The following SELE variants were observed in gnomAD, a reference collection of about 807,000 sequenced individuals.
SELE encodes the protein selectin E, also known as E-selectin.
SELE carries 52 observed loss-of-function variants against 75.8 expected under a neutral mutation model. The ratio of observed to expected loss-of-function variants is 0.69; its 90% confidence interval spans 0.55 to 0.86. The LOEUF (loss-of-function observed/expected upper bound fraction) is 0.86. Ranked by LOEUF, SELE falls within the 40% of genes least tolerant of loss-of-function variation. The probability of loss-of-function intolerance (pLI) is 0.00; values close to 1 mark genes in which losing one functional copy is unlikely to be tolerated. For synonymous variants in SELE, 285 were observed against 258.7 expected (o/e 1.10, Z -0.98); for missense variants, 754 against 732.7 (o/e 1.03, Z -0.34).
chr1:169,731,579 CTAT>C, intron 4 of SELE: 1 of 371,038 alleles, frequency 2.7e-6, no homozygotes, highest in Non-Finnish European at 5.0e-6. Flanking sequence ...GAAGTTCACA[CTAT>C]TATTATCCTC....
rs760697158 is a variant in SELE at position 169,729,188 on chromosome 1, T to C, written c.1088A>G (p.Glu363Gly). The change falls in exon 7 of 14, where the codon GAA (glutamate) becomes GGA (glycine). Residue 363 changes from glutamate (E) to glycine (G), a missense_variant and splice_region_variant. Coordinates refer to ENST00000333360, the MANE Select transcript of SELE (RefSeq NM_000450.2). ...AAATCGAAGGATCTCAAGCTTACCT[T>C]CACAAACTGGGATTTGCTGTGTCCA... ...GQWTQQIPVC[E>G]AFQCTALSNP... is the part of the protein sequence containing the mutation. The C allele has an allele frequency of 2.5e-6, 4 of 1,602,972 alleles. No homozygotes were observed. Among genetic ancestry groups the C allele is most frequent in the South Asian group, 1.1e-5 (1 of 89,724 alleles).
chr1:169,725,813 A>G lies in SELE; in HGVS notation c.1776-12T>C. The stretch of plus-strand genomic sequence containing the variant: ...GGCTTTGGCAGCTGCTGTGGAATAC[A>G]TGAGAACACTAGGTAAAGCACTGTC... On this transcript the variant is annotated splice_polypyrimidine_tract_variant and intron_variant, in intron 12 of 13. Transcript: ENST00000333360. 1 of 1,614,062 alleles carries G rather than the reference A, an allele frequency of 6.2e-7. No individual in the cohort carries two copies. Among genetic ancestry groups the G allele is most frequent in the Non-Finnish European group, 8.5e-7 (1 of 1,179,952 alleles).
rs756005920 is a variant in SELE at position 169,727,835 on chromosome 1, C to T, written c.1372G>A (p.Ala458Thr). 6.2e-7 allele frequency: 1 copy of T among 1,614,114 alleles called. No homozygotes were observed. The highest frequency in any genetic ancestry group is 1.1e-5 in the South Asian group (1 of 91,086). Residue 458 changes from alanine to threonine, a missense_variant, in exon 9 of 14, where the codon GCC (alanine) becomes ACC (threonine). Physicochemically the swap from Ala to Thr is moderately conservative, Grantham distance 58. Coordinates refer to ENST00000333360, the MANE Select transcript of SELE (RefSeq NM_000450.2). ...TCAAATCCCTCCTCACAGCTGAAGG[C>T]ACAAGAGGACTTGTAGGTGAATTCT... ...IGEFTYKSSCAFSCEEGFELH... is the reference protein window; with the variant it reads ...IGEFTYKSSCTFSCEEGFELH...
chr1:169,728,015 T>C, intron 8 of SELE, 43 bp downstream of exon 8: 4 of 1,583,520 alleles, frequency 2.5e-6, no homozygotes, highest in Non-Finnish European at 3.4e-6. Flanking sequence ...AGCTCTTCAA[T>C]AGTTCTTTTT....
rs200695523 is a variant in SELE, at chr1:169,732,996, G to A, written c.40C>T (p.Leu14Phe). The A allele has an allele frequency of 3.2e-6, 5 of 1,561,286 alleles. No homozygotes were observed. In the East Asian group the frequency reaches 9.0e-5, roughly 28 times the overall value. Reference sequence around the variant, plus strand: ...CAGGCTCCACTCTCTTTAATGAGAAGCACTAGTGGGAGAAAAAGAAAAGAA... The same window carrying A: ...CAGGCTCCACTCTCTTTAATGAGAAACACTAGTGGGAGAAAAAGAAAAGAA... ...SQFLSALTLV[L>F]LIKESGAWSY... The change falls in exon 3 of 14, where the codon CTT (leucine) becomes TTT (phenylalanine). Residue 14 changes from leucine to phenylalanine, a missense_variant and splice_region_variant. Transcript: ENST00000333360.
chr1:169,731,903 C>T lies in SELE; in HGVS notation c.461G>A (p.Cys154Tyr), dbSNP rs1648920448. The T allele has an allele frequency of 6.2e-7, 1 of 1,613,780 alleles. No individual in the cohort carries two copies. The highest frequency in any genetic ancestry group is 8.5e-7 in the Non-Finnish European group (1 of 1,179,804). ...AGTGTAATTATTGATGGTCTCTACACATTCACCGTGGCCACTGCAGGATGT... is the reference window on the plus strand; with the variant it reads ...AGTGTAATTATTGATGGTCTCTACATATTCACCGTGGCCACTGCAGGATGT... ...TNTSCSGHGE[C>Y]VETINNYTCK... The change falls in exon 4 of 14, where the codon TGT (cysteine) becomes TAT (tyrosine). Residue 154 changes from cysteine (C) to tyrosine (Y), a missense_variant. Physicochemically the swap from Cys to Tyr is radical, Grantham distance 194. Coordinates refer to ENST00000333360, the MANE Select transcript of SELE (RefSeq NM_000450.2).
intron 13 of SELE, among the ~76,000 whole-genome samples, chr1:169,725,053 CT>C (rs1330715189): frequency 4.6e-5 from 7 of 152,196 alleles, no homozygotes; most frequent in African/African-American, 1.7e-4. Flanking sequence ...AGACAATTTA[CT>C]TAACTTCTCT....
chr1:169,727,239 C>G, intron 10 of SELE, 110 bp downstream of exon 10: 1 of 1,221,524 alleles, frequency 8.2e-7, no homozygotes, highest in African/African-American at 1.5e-5. Context: ...AACTTGTCAA[C>G]CTGGGCGAAC....
chr1:169,728,119 T>A lies in SELE; in HGVS notation c.1218A>T (p.Gly406=). The change falls in exon 8 of 14, where the codon GGA becomes GGT. Residue 406 remains glycine, a synonymous_variant. Transcript: ENST00000333360. ...TGGGGCCACATTGGAGCCTTTTGGA[T>A]CCCTTCAACACAAAACCCTGCTCAC... ...FSCEQGFVLK[G]SKRLQCGPTG... 2 of 1,614,172 alleles carry A rather than the reference T, an allele frequency of 1.2e-6. No homozygotes were observed. Among genetic ancestry groups the A allele is most frequent in the Non-Finnish European group, 1.7e-6 (2 of 1,180,014 alleles).
At chr1:169,733,893 G>A in intron 1 of SELE, 78 bp downstream of exon 1, 1 of 455,762 alleles carries the variant, frequency 2.2e-6, no homozygotes, top group Non-Finnish European at 3.9e-6. Flanking sequence ...TTGTACAGAT[G>A]TGGTTTTTAT....
chr1:169,730,013 A>G (rs890180698), intron 5 of SELE, among the ~76,000 whole-genome samples: 21 of 152,306 alleles, frequency 1.4e-4, no homozygotes, highest in African/African-American at 4.8e-4. Context: ...TCAGAGCCTG[A>G]AGAACTGATT....
At chr1:169,732,424 GTA>G (rs1324395482) in intron 3 of SELE, among the ~76,000 whole-genome samples, 189 bp downstream of exon 3, 5 of 146,038 alleles carry the variant, frequency 3.4e-5, no homozygotes, top group Admixed American at 3.4e-4. Flanking sequence ...GTGTGTGTGT[GTA>G]TATATATACA....
At chr1:169,732,370 CTA>C (rs56022949) in intron 3 of SELE, among the ~76,000 whole-genome samples, 14 of 144,110 alleles carry the variant, frequency 9.7e-5, no homozygotes, top group African/African-American at 3.1e-4. Context: ...ATGCTGTAGG[CTA>C]TATATATATA....
rs776521809 is a variant in SELE, at chr1:169,723,351, A to G, written c.*1174T>C. 8 of 152,366 alleles carry G rather than the reference A, an allele frequency of 5.3e-5. No individual in the cohort carries two copies. 9.4% of individuals were successfully genotyped at this position (152,366 alleles called of 1,614,324 possible). ...TTCTATTGTGAATTTAAAATCTTCC[A>G]TAATATACAAGAATTATGTTTACAT... On this transcript the variant is annotated 3_prime_UTR_variant, in exon 14 of 14. Coordinates refer to ENST00000333360, the MANE Select transcript of SELE (RefSeq NM_000450.2).
At chr1:169,725,521 A>G (rs3917435) in intron 13 of SELE, among the ~76,000 whole-genome samples, 5 of 152,088 alleles carry the variant, frequency 3.3e-5, no homozygotes, top group African/African-American at 1.2e-4. Context: ...ATTATTATCT[A>G]TCATAAATGA....
chr1:169,726,110 C>T (rs1449272831), intron 11 of SELE, among the ~76,000 whole-genome samples, 182 bp from the exon 12 acceptor site: 2 of 152,134 alleles, frequency 1.3e-5, no homozygotes, highest in Non-Finnish European at 2.9e-5. Context: ...AAGTGCACAG[C>T]CATCCAAAGG....
At chr1:169,726,356 T>A (rs1294228876) in intron 11 of SELE, among the ~76,000 whole-genome samples, 1 of 152,232 alleles carries the variant, frequency 6.6e-6, no homozygotes, top group Non-Finnish European at 1.5e-5. Flanking sequence ...AATTTAAGCC[T>A]GTACTCCAAA....
chr1:169,729,624 A>C lies in SELE; in HGVS notation c.765T>G (p.Cys255Trp). Residue 255 changes from cysteine (C) to tryptophan (W), a missense_variant, in exon 6 of 14, where the codon TGT becomes TGG. Coordinates refer to ENST00000333360, the MANE Select transcript of SELE (RefSeq NM_000450.2). ...VTNPANGFVE[C>W]FQNPGSFPWN... ...ATGGGAAGCTTCCAGGGTTTTGGAA[A>C]CATTCCACGAACCCATTGGCTGGAT... 1 of 1,614,142 alleles carries C rather than the reference A, an allele frequency of 6.2e-7. No homozygotes were observed. The highest frequency in any genetic ancestry group is 8.5e-7 in the Non-Finnish European group (1 of 1,179,998).
chr1:169,731,763 A>G, intron 4 of SELE, 72 bp downstream of exon 4: 4 of 1,000,056 alleles, frequency 4.0e-6, no homozygotes, highest in African/African-American at 1.6e-5. Flanking sequence ...TGCAGACCTG[A>G]CTCTAATGCC....
Sources: allele counts gnomAD v4.1 joint callset (sites outside exome capture counted in the v4.1 genomes callset), GRCh38; gene constraint gnomAD v4.1.1; transcripts MANE v1.5; gene names NCBI Gene and HGNC (gene_info 2026-07-23, HGNC 2026-07-21).